The following ORC5 variants were observed in gnomAD, a reference collection of about 807,000 sequenced individuals.
ORC5 encodes the protein protein phosphatase 1, regulatory subunit 117.
A neutral mutation model predicts 58.8 loss-of-function variants in ORC5; 39 were observed. That is an observed-to-expected ratio of 0.66 (90% CI 0.51 to 0.87). The LOEUF is 0.87. Ranked by LOEUF, ORC5 falls within the 40% of genes least tolerant of loss-of-function variation. The pLI is 0.00. For synonymous variants in ORC5, 218 were observed against 177.6 expected (o/e 1.23, Z -1.81); for missense variants, 493 against 506.3 (o/e 0.97, Z 0.25).
At chr7:104,202,951 G>A (rs936534827) in intron 2 of ORC5, among the ~76,000 whole-genome samples, 2 of 152,186 alleles carry the variant, frequency 1.3e-5, no homozygotes, top group East Asian at 3.8e-4. Context: ...AATCATAGCT[G>A]AGAAGGCTAA....
intron 8 of ORC5, among the ~76,000 whole-genome samples, chr7:104,173,997 A>C (rs1305510185): frequency 1.3e-5 from 2 of 151,084 alleles, no homozygotes; most frequent in Non-Finnish European, 3.0e-5. Context: ...GGCGCCCGCC[A>C]CTACGCCCGG....
At chr7:104,178,693 G>C (rs947615652) in intron 8 of ORC5, among the ~76,000 whole-genome samples, 3 of 151,970 alleles carry the variant, frequency 2.0e-5, no homozygotes, top group Middle Eastern at 6.8e-3. Flanking sequence ...TATGGTTTTG[G>C]GTTTTACATT....
intron 12 of ORC5, among the ~76,000 whole-genome samples, chr7:104,159,833 G>A (rs993080804): frequency 4.9e-4 from 74 of 152,220 alleles, no homozygotes; most frequent in African/African-American, 1.8e-3. Context: ...CAAAATACCT[G>A]CTAATCTAGA....
intron 3 of ORC5, among the ~76,000 whole-genome samples, chr7:104,199,384 T>G (rs1406119894): frequency 6.6e-6 from 1 of 152,048 alleles, no homozygotes; most frequent in Non-Finnish European, 1.5e-5. Flanking sequence ...CTTGCATCAG[T>G]GGGCTGGATG....
chr7:104,155,291 T>C (rs1378054891), intron 12 of ORC5, among the ~76,000 whole-genome samples: 4 of 151,720 alleles, frequency 2.6e-5, no homozygotes, highest in South Asian at 4.1e-4. Flanking sequence ...AATGTTTATG[T>C]TCTTATAAAT....
In ORC5 at chr7:104,158,782, C is replaced by T. The variant is rs569060806; in HGVS notation, c.1149+2290G>A. Among the ~76,000 whole-genome samples, 838 of 151,552 alleles carry T rather than the reference C, an allele frequency of 5.5e-3. 10 individuals are homozygous for T. Among genetic ancestry groups the T allele is most frequent in the African/African-American group, 0.02 (804 of 40,976 alleles). On this transcript the variant is annotated intron_variant, in intron 12 of 13. Coordinates refer to ENST00000297431, the MANE Select transcript of ORC5 (RefSeq NM_002553.4). ...GCAAATCAAAACCACAATGAGATAC[C>T]ATCTCACACCAGTTAGAATGGCGAT... is the stretch of plus-strand genomic sequence containing the variant.
At chr7:104,207,756 A>G in intron 1 of ORC5, 77 bp downstream of exon 1, 1 of 1,441,290 alleles carries the variant, frequency 6.9e-7, no homozygotes, top group Non-Finnish European at 9.7e-7. Flanking sequence ...AAACACGAAA[A>G]AACAAATATT....
intron 12 of ORC5, among the ~76,000 whole-genome samples, chr7:104,144,752 G>A (rs547454047): frequency 6.6e-6 from 1 of 152,240 alleles, no homozygotes; most frequent in East Asian, 1.9e-4. Flanking sequence ...ACGAGACACC[G>A]TCTCACAAAT....
At chr7:104,200,085 G>T (rs984955224) in intron 3 of ORC5, among the ~76,000 whole-genome samples, 3 of 147,802 alleles carry the variant, frequency 2.0e-5, no homozygotes, top group African/African-American at 7.3e-5. Flanking sequence ...CCCCAGCCAC[G>T]CTGAACTGTA....
intron 13 of ORC5, among the ~76,000 whole-genome samples, chr7:104,134,706 C>T (rs895305321): frequency 6.6e-6 from 1 of 152,158 alleles, no homozygotes; most frequent in Admixed American, 6.5e-5. Flanking sequence ...GAGGTAAGTC[C>T]AGGGGAAGCA....
chr7:104,165,680 G>T, intron 10 of ORC5: 1 of 177,042 alleles, frequency 5.6e-6, no homozygotes, highest in Admixed American at 6.3e-5. Flanking sequence ...GTTAAGCACA[G>T]TTCACATAAT....
Position 104,200,863 on chromosome 7 carries a change from C to A in ORC5, c.261G>T (p.Glu87Asp). Residue 87 changes from glutamate to aspartate, a missense_variant, in exon 3 of 14, where the codon GAG (glutamate) becomes GAT (aspartate). Physicochemically the swap from Glu to Asp is conservative, Grantham distance 45 (BLOSUM62 2). Coordinates refer to ENST00000297431, the MANE Select transcript of ORC5 (RefSeq NM_002553.4). Reference protein sequence around the residue: ...LNKLNHLSSSEDGCSTEITCE... With the variant: ...LNKLNHLSSSDDGCSTEITCE... Reference sequence around the variant, plus strand: ...AGGTTATTTCAGTAGAACATCCATCCTCTGAAGAACTAAGATGATTCAATT... The same window carrying A: ...AGGTTATTTCAGTAGAACATCCATCATCTGAAGAACTAAGATGATTCAATT... 6.2e-7 allele frequency: 1 copy of A among 1,612,336 alleles called. No homozygotes were observed. Among genetic ancestry groups the A allele is most frequent in the Non-Finnish European group, 8.5e-7 (1 of 1,178,434 alleles).
chr7:104,204,131 TTTA>T lies in ORC5; in HGVS notation c.165+8_165+10del. Reference sequence around the variant, plus strand: ...AAATGGCAAAGAAATATTTAATATTTTTATTCTTACCTCTAAAGTTTTCAACAA... The same window carrying T: ...AAATGGCAAAGAAATATTTAATATTTTTCTTACCTCTAAAGTTTTCAACAA... On this transcript the variant is annotated splice_region_variant and intron_variant, in intron 2 of 13. Coordinates refer to ENST00000297431, the MANE Select transcript of ORC5 (RefSeq NM_002553.4). 1 of 1,429,622 alleles carries T rather than the reference TTTA, an allele frequency of 7.0e-7. No homozygotes were observed. Among genetic ancestry groups the T allele is most frequent in the South Asian group, 1.3e-5 (1 of 78,476 alleles). 88.6% of individuals were successfully genotyped at this position (1,429,622 alleles called of 1,614,324 possible).
At chr7:104,195,104 C>A in intron 5 of ORC5, 39 bp downstream of exon 5, 1 of 1,011,564 alleles carries the variant, frequency 9.9e-7, no homozygotes, top group East Asian at 2.7e-5. Context: ...AAACTATTCT[C>A]CTGCATATCA....
At position 104,197,720 on chromosome 7, in the gene ORC5, C is replaced by G; in HGVS notation, c.441+5G>C. On this transcript the variant is annotated splice_donor_5th_base_variant and intron_variant, in intron 4 of 13. Coordinates refer to ENST00000297431, the MANE Select transcript of ORC5 (RefSeq NM_002553.4). Reference sequence around the variant, plus strand: ...GGGGAGAAAGCACTTTCTCACATTACTTACCAATTCTTGTAATCTAAGAAA... The same window carrying G: ...GGGGAGAAAGCACTTTCTCACATTAGTTACCAATTCTTGTAATCTAAGAAA... 1 of 1,586,990 alleles carries G rather than the reference C, an allele frequency of 6.3e-7. No individual in the cohort carries two copies. Among genetic ancestry groups the G allele is most frequent in the Non-Finnish European group, 8.6e-7 (1 of 1,163,502 alleles).
At chr7:104,173,376 C>T (rs1799252420) in intron 8 of ORC5, among the ~76,000 whole-genome samples, 1 of 152,212 alleles carries the variant, frequency 6.6e-6, no homozygotes. Flanking sequence ...CTGCAATGCC[C>T]ATCCTCAAAT....
intron 8 of ORC5, among the ~76,000 whole-genome samples, chr7:104,178,769 A>AT (rs1178573716): frequency 2.0e-5 from 3 of 152,252 alleles, no homozygotes; most frequent in Middle Eastern, 3.4e-3. Flanking sequence ...TGTTTTCTGC[A>AT]TACAGCTAGC....
intron 5 of ORC5, among the ~76,000 whole-genome samples, chr7:104,191,082 A>G (rs1416017248): frequency 6.7e-6 from 1 of 149,324 alleles, no homozygotes; most frequent in Non-Finnish European, 1.5e-5. Flanking sequence ...TAGATGAGAC[A>G]CTGTTACTGA....
chr7:104,195,330 C>A (rs1799774941), intron 4 of ORC5, 76 bp from the exon 5 acceptor site: 3 of 716,282 alleles, frequency 4.2e-6, no homozygotes, highest in Non-Finnish European at 6.8e-6. Context: ...TTGGATTTTT[C>A]TTTCAAATAC....
Sources: allele counts gnomAD v4.1 joint callset (sites outside exome capture counted in the v4.1 genomes callset), GRCh38; gene constraint gnomAD v4.1.1; transcripts MANE v1.5; gene names NCBI Gene and HGNC (gene_info 2026-07-23, HGNC 2026-07-21).